Variants in MBP observed in about 807,000 individuals in gnomAD.
MBP encodes the protein myelin basic protein.
In MBP, 16 loss-of-function variants were observed where a neutral mutation model predicts 35.8. The observed-to-expected ratio is 0.45, with a 90% CI of 0.30 to 0.68. The LOEUF (loss-of-function observed/expected upper bound fraction) is 0.68, where lower values mean the gene tolerates loss of function less well. Among genes scored for constraint, MBP ranks in the 30% least tolerant of loss-of-function variants. The pLI, the probability that MBP is intolerant of heterozygous loss-of-function variation, is 0.08. For missense variants in MBP, 380 were observed against 404.7 expected (o/e 0.94, Z 0.52); for synonymous variants, 143 against 159.6 (o/e 0.90, Z 0.78).
At chr18:76,994,701 G>A (rs770901642) in intron 4 of MBP, among the ~76,000 whole-genome samples, 21 of 152,134 alleles carry the variant, frequency 1.4e-4, no homozygotes, top group African/African-American at 4.1e-4. Context: ...AGCTATTATC[G>A]GGGGTCAGAA....
chr18:77,119,730 G>A (rs1167289647), intron 1 of MBP, among the ~76,000 whole-genome samples: 1 of 152,196 alleles, frequency 6.6e-6, no homozygotes, highest in African/African-American at 2.4e-5. Flanking sequence ...CTTGATTCTG[G>A]AGGGACAAGG....
chr18:77,015,416 A>C, intron 4 of MBP: 1 of 985,460 alleles, frequency 1.0e-6, no homozygotes, highest in South Asian at 4.7e-5. Flanking sequence ...GCTGGGCTTG[A>C]AAAAGTGCTT....
At chr18:77,106,424 T>C (rs1349035081) in intron 1 of MBP, among the ~76,000 whole-genome samples, 2 of 152,058 alleles carry the variant, frequency 1.3e-5, no homozygotes, top group African/African-American at 4.8e-5. Context: ...ACTGGAAGGA[T>C]TGCTGAGAAG....
chr18:77,079,122 G>A (rs961134732), intron 2 of MBP, among the ~76,000 whole-genome samples: 1 of 152,252 alleles, frequency 6.6e-6, no homozygotes, highest in Non-Finnish European at 1.5e-5. Flanking sequence ...TTGGCAGAAA[G>A]AAGGAGACGG....
rs56090018 is a variant in MBP, at chr18:77,068,016, C to CGTGT, written c.52-1635_52-1632dup. Reference sequence around the variant, plus strand: ...AGCCCTATCTGGAAACCCTCCATCCCGTGTGTGTGTGTGTGTGTGTGTTTG... The same window carrying CGTGT: ...AGCCCTATCTGGAAACCCTCCATCCCGTGTGTGTGTGTGTGTGTGTGTGTGTTTG... On this transcript the variant is annotated intron_variant, in intron 2 of 8. Coordinates refer to ENST00000355994, the MANE Select transcript of MBP (RefSeq NM_001025101.2). Among the ~76,000 whole-genome samples the CGTGT allele has an allele frequency of 8.5e-3, 1,270 of 149,712 alleles. 13 individuals carry two copies. Among genetic ancestry groups the CGTGT allele is most frequent in the African/African-American group, 0.021 (858 of 40,692 alleles).
At position 76,984,815 on chromosome 18, in the gene MBP, C is replaced by T. The variant is rs1969442252; in HGVS notation, c.830G>A (p.Gly277Glu). ...DYKSAHKGFK[G>E]VDAQGTLSKI... ...GGAAAGCGTGCCCTGGGCATCGACT[C>T]CCTTGAATCCCTTGTGAGCCGATTT... The change falls in exon 8 of 9, where the codon GGA (glycine) becomes GAA (glutamate). Residue 277 changes from glycine (G) to glutamate (E), a missense_variant. Physicochemically the swap from Gly to Glu is moderately conservative, Grantham distance 98. Transcript: ENST00000355994. 6.2e-7 allele frequency: 1 copy of T among 1,613,992 alleles called. No individual in the cohort carries two copies. The highest frequency in any genetic ancestry group is 1.3e-5 in the African/African-American group (1 of 74,934).
Position 77,131,025 on chromosome 18 carries a change from C to CA in MBP, c.-26+1554dup, listed in dbSNP as rs56844180. ...TTCCCTCAGATTTCTGTTTTTCCCA[C>CA]AAAAAAAAAAAAAAAACAAAACCTC... On this transcript the variant is annotated intron_variant, in intron 1 of 8. Coordinates refer to ENST00000355994, the MANE Select transcript of MBP (RefSeq NM_001025101.2). This position sits in a 1 kb window ranked among gnomAD's most constrained non-coding sequence, Gnocchi z 5.5. 0.011 allele frequency among the ~76,000 whole-genome samples: 1,405 copies of CA among 130,040 alleles called. 15 individuals carry two copies. Among genetic ancestry groups the CA allele is most frequent in the South Asian group, 0.044 (178 of 4,008 alleles). 85.3% of individuals were successfully genotyped at this position (130,040 alleles called of 152,430 possible).
intron 3 of MBP, among the ~76,000 whole-genome samples, chr18:77,025,484 C>T (rs2123541436): frequency 6.6e-6 from 1 of 152,218 alleles, no homozygotes; most frequent in South Asian, 2.1e-4. Flanking sequence ...TGAACAAAAG[C>T]CGAGTCCCAC....
At chr18:77,069,177 C>T (rs989267816) in intron 2 of MBP, among the ~76,000 whole-genome samples, 11 of 152,192 alleles carry the variant, frequency 7.2e-5, no homozygotes, top group South Asian at 4.1e-4. Context: ...CAGTGCCTGG[C>T]GCCCAGAGAG....
chr18:77,124,593 G>T (rs573645623), intron 1 of MBP, among the ~76,000 whole-genome samples: 1 of 152,208 alleles, frequency 6.6e-6, no homozygotes, highest in African/African-American at 2.4e-5. Flanking sequence ...AGGTGAGTTC[G>T]GAGGGGATGG....
At chr18:77,010,014 C>T (rs1294608069) in intron 4 of MBP, 6 of 955,954 alleles carry the variant, frequency 6.3e-6, no homozygotes, top group African/African-American at 1.6e-5. Flanking sequence ...TCCTCTAGAG[C>T]TGGCTTGGCA....
chr18:76,993,008 T>G (rs1970037215), intron 4 of MBP, among the ~76,000 whole-genome samples: 1 of 152,196 alleles, frequency 6.6e-6, no homozygotes, highest in Admixed American at 6.5e-5. Context: ...CAAAGGCATC[T>G]CCCATGCATA....
At chr18:76,990,333 G>C (rs1401942286) in intron 4 of MBP, among the ~76,000 whole-genome samples, 1 of 152,032 alleles carries the variant, frequency 6.6e-6, no homozygotes, top group Non-Finnish European at 1.5e-5. Context: ...GAGTTAGAGG[G>C]GTAGGAAGGT....
Position 77,006,594 on chromosome 18 carries a change from G to T in MBP, c.576+10238C>A, listed in dbSNP as rs80330794. Reference sequence around the variant, plus strand: ...GCAGCCATTCCCCATCGTGCGTGTTGCTCCTCTCCCCTCAGAATCCTTGCT... The same window carrying T: ...GCAGCCATTCCCCATCGTGCGTGTTTCTCCTCTCCCCTCAGAATCCTTGCT... On this transcript the variant is annotated intron_variant, in intron 4 of 8. Transcript: ENST00000355994. 163 of 152,938 alleles carry T rather than the reference G, an allele frequency of 1.1e-3. 4 individuals carry two copies. The East Asian group carries it at 0.027, about 25-fold the overall frequency. 9.5% of individuals were successfully genotyped at this position (152,938 alleles called of 1,614,324 possible). A position where few individuals can be genotyped will look rare whatever the true frequency, so the allele number is the denominator to read the frequency against.
intron 3 of MBP, among the ~76,000 whole-genome samples, chr18:77,047,303 C>T (rs886257995): frequency 1.3e-5 from 2 of 152,212 alleles, no homozygotes; most frequent in Admixed American, 6.5e-5. Context: ...ATCCTCCTGT[C>T]GTAAGGAGGA....
chr18:77,077,339 A>G (rs1205439642), intron 2 of MBP, among the ~76,000 whole-genome samples: 1 of 140,050 alleles, frequency 7.1e-6, no homozygotes. Context: ...CCAGGGCAAC[A>G]AGAGTGAGAC....
chr18:77,011,321 C>T, intron 4 of MBP, among the ~76,000 whole-genome samples: 1 of 152,190 alleles, frequency 6.6e-6, no homozygotes, highest in East Asian at 1.9e-4. Flanking sequence ...CAGTGACTCC[C>T]ATCAGCTGGT....
chr18:76,999,060 G>A (rs1970489189), intron 4 of MBP, among the ~76,000 whole-genome samples: 1 of 152,064 alleles, frequency 6.6e-6, no homozygotes, highest in South Asian at 2.1e-4. Context: ...TTTATGGGGA[G>A]TGGGCACTTA....
At position 76,979,800 on chromosome 18, in the gene MBP, G is replaced by C. The variant is rs1969074595; in HGVS notation, c.*627C>G. The C allele has an allele frequency of 1.7e-6, 1 of 601,254 alleles. No homozygotes were observed. The highest frequency in any genetic ancestry group is 3.0e-6 in the Non-Finnish European group (1 of 337,792). 37.2% of individuals were successfully genotyped at this position (601,254 alleles called of 1,614,324 possible). On this transcript the variant is annotated 3_prime_UTR_variant, in exon 9 of 9. Transcript: ENST00000355994. The stretch of plus-strand genomic sequence containing the variant: ...TGGGGTGTGTGGGCAGCCACGGCCT[G>C]GGGAGGTGGCCCCCTCTCTGTGCTG...
Sources: allele counts gnomAD v4.1 joint callset (sites outside exome capture counted in the v4.1 genomes callset), GRCh38; gene constraint gnomAD v4.1.1; non-coding constraint Gnocchi (gnomAD v3.1); transcripts MANE v1.5; gene names NCBI Gene and HGNC (gene_info 2026-07-23, HGNC 2026-07-21).